C12orf56: variants seen among roughly 807,000 people sequenced by gnomAD.
C12orf56 encodes chromosome 12 open reading frame 56.
In C12orf56, 71 loss-of-function variants were observed where a neutral mutation model predicts 69.9. That is an observed-to-expected ratio of 1.02 (90% confidence interval 0.84 to 1.24). C12orf56 has a LOEUF of 1.24. Ranked by LOEUF, C12orf56 falls within the 50% of genes most tolerant of loss-of-function variation. The pLI is 0.00. For missense variants in C12orf56, 732 were observed against 738.5 expected (o/e 0.99, Z 0.10); for synonymous variants, 276 against 274.1 (o/e 1.01, Z -0.07).
intron 1 of C12orf56, among the ~76,000 whole-genome samples, chr12:64,360,903 C>A (rs544850679): frequency 1.3e-5 from 2 of 152,212 alleles, no homozygotes; most frequent in African/African-American, 4.8e-5. Flanking sequence ...TTTGATAAAT[C>A]AACTCTTTTA....
chr12:64,312,811 C>CT (rs2038637882), intron 4 of C12orf56, 59 bp from the exon 5 acceptor site: 1 of 1,227,304 alleles, frequency 8.1e-7, no homozygotes, highest in African/African-American at 1.5e-5. Flanking sequence ...TCAATTCCCC[C>CT]TACCTTTAGT....
chr12:64,274,944 G>A lies in C12orf56; in HGVS notation c.1541C>T (p.Ala514Val). 2 of 1,612,520 alleles carry A rather than the reference G, an allele frequency of 1.2e-6. No homozygotes were observed. The highest frequency in any genetic ancestry group is 1.7e-6 in the Non-Finnish European group (2 of 1,178,854). ...TAGAAAGGACATTATCCAGCTAATA[G>A]CAAACTTTGTGGATCCCAATCCGAG... is the stretch of plus-strand genomic sequence containing the variant. The part of the protein sequence containing the change: ...GNLGLGSTKF[A>V]ISWIMSFLQS... The change falls in exon 11 of 13, where the codon GCT (alanine) becomes GTT (valine). Residue 514 changes from alanine to valine, a missense_variant. By Grantham distance (64) the Ala-to-Val change is moderately conservative. Coordinates refer to ENST00000543942, the MANE Select transcript of C12orf56 (RefSeq NM_001170633.2).
chr12:64,268,691 A>T (rs1168279795), intron 12 of C12orf56, among the ~76,000 whole-genome samples: 1 of 152,162 alleles, frequency 6.6e-6, no homozygotes, highest in African/African-American at 2.4e-5. Flanking sequence ...TAAAATGGTA[A>T]ATTTCATACT....
At position 64,319,898 on chromosome 12, in the gene C12orf56, A is replaced by C. The variant is rs147676113; in HGVS notation, c.489-918T>G. Among the ~76,000 whole-genome samples the C allele has an allele frequency of 7.5e-3, 1,139 of 152,194 alleles. 22 individuals are homozygous for C. The highest frequency in any genetic ancestry group is 0.026 in the African/African-American group (1,094 of 41,518). On this transcript the variant is annotated intron_variant, in intron 3 of 12. Coordinates refer to ENST00000543942, the MANE Select transcript of C12orf56 (RefSeq NM_001170633.2). ...GGGAGCTCTGTTTTCACTCTATTAA[A>C]TCTTGCAACTGCACTGTCTTTTTGT...
chr12:64,308,889 GAAGAAAGA>G lies in C12orf56; in HGVS notation c.968+3782_968+3789del, dbSNP rs1173081507. Among the ~76,000 whole-genome samples the G allele has an allele frequency of 3.2e-3, 225 of 69,316 alleles. 2 individuals carry two copies. The highest frequency in any genetic ancestry group is 4.8e-3 in the African/African-American group (70 of 14,722). The allele number at this position is 69,316 out of a possible 152,430, so 45.5% of individuals were successfully genotyped here. A position where few individuals can be genotyped will look rare whatever the true frequency, so the allele number is the denominator to read the frequency against. Reference sequence around the variant, plus strand: ...AGAAAAGAAAGAAAGAAACAGAAAGGAAGAAAGAAAGAAAGAAAGAAAGAAAGAAAGAA... The same window carrying G: ...AGAAAAGAAAGAAAGAAACAGAAAGGAAGAAAGAAAGAAAGAAAGAAAGAA... On this transcript the variant is annotated intron_variant, in intron 5 of 12. Coordinates refer to ENST00000543942, the MANE Select transcript of C12orf56 (RefSeq NM_001170633.2).
chr12:64,311,396 G>C (rs913998478), intron 5 of C12orf56, among the ~76,000 whole-genome samples: 3 of 149,580 alleles, frequency 2.0e-5, no homozygotes, highest in African/African-American at 7.4e-5. Context: ...CTGGGCAACA[G>C]AGCAAGACTT....
chr12:64,339,214 G>A (rs544562967), intron 2 of C12orf56, among the ~76,000 whole-genome samples: 2 of 152,184 alleles, frequency 1.3e-5, no homozygotes, highest in South Asian at 4.1e-4. Flanking sequence ...CTTATCTCCT[G>A]TTAACCTGCC....
chr12:64,328,732 T>TAGATATAG (rs1555190213), intron 3 of C12orf56, among the ~76,000 whole-genome samples: 119 of 107,138 alleles, frequency 1.1e-3, no homozygotes, highest in African/African-American at 3.6e-3. Context: ...TATATATATA[T>TAGATATAG]ATATAGTATC....
chr12:64,311,803 C>T (rs930128797), intron 5 of C12orf56, among the ~76,000 whole-genome samples: 3 of 152,096 alleles, frequency 2.0e-5, no homozygotes, highest in South Asian at 2.1e-4. Flanking sequence ...AAAGGCTTCC[C>T]GGGAGGAATT....
intron 7 of C12orf56, among the ~76,000 whole-genome samples, chr12:64,285,206 A>C (rs2038183749): frequency 6.6e-6 from 1 of 151,896 alleles, no homozygotes; most frequent in Admixed American, 6.6e-5. Flanking sequence ...AAAGAAAAAA[A>C]TTGTTGAATG....
At position 64,303,707 on chromosome 12, in the gene C12orf56, C is replaced by T. The variant is rs1023352539; in HGVS notation, c.1041G>A (p.Arg347=). ...TAAGTTCCATAAGTAAAGAAAGTAT[C>T]CTCCTCAAAGAATTGTCTTTAAGAA... The part of the protein sequence containing the change: ...ELFLKDNSLR[R]ILSLLMELKV... Residue 347 remains arginine, a synonymous_variant, in exon 6 of 13, where the codon AGG becomes AGA. Coordinates refer to ENST00000543942, the MANE Select transcript of C12orf56 (RefSeq NM_001170633.2). 2 of 1,579,796 alleles carry T rather than the reference C, an allele frequency of 1.3e-6. No individual in the cohort carries two copies. The highest frequency in any genetic ancestry group is 2.7e-5 in the African/African-American group (2 of 74,230).
chr12:64,313,291 A>G (rs1273344306), intron 4 of C12orf56, among the ~76,000 whole-genome samples: 2 of 150,614 alleles, frequency 1.3e-5, no homozygotes, highest in African/African-American at 4.9e-5. Flanking sequence ...AGAAAGAAAG[A>G]AAGAAAGAAA....
intron 6 of C12orf56, among the ~76,000 whole-genome samples, chr12:64,303,290 A>C (rs977757774): frequency 1.8e-4 from 27 of 150,588 alleles, no homozygotes; most frequent in African/African-American, 6.6e-4. Flanking sequence ...TAAAAAATAA[A>C]CAAAAACTTC....
chr12:64,275,437 G>A, intron 9 of C12orf56, 65 bp from the exon 10 acceptor site: 1 of 766,334 alleles, frequency 1.3e-6, no homozygotes. Context: ...AATTTCCCAT[G>A]GTTCCCTTTA....
At chr12:64,274,244 G>A (rs1020319947) in intron 11 of C12orf56, among the ~76,000 whole-genome samples, 1 of 152,190 alleles carries the variant, frequency 6.6e-6, no homozygotes, top group African/African-American at 2.4e-5. Context: ...GCTGCAGGGA[G>A]GGGGGTGGTG....
At chr12:64,380,728 G>C (rs912453459) in intron 1 of C12orf56, among the ~76,000 whole-genome samples, 1 of 152,132 alleles carries the variant, frequency 6.6e-6, no homozygotes, top group Admixed American at 6.6e-5. Context: ...AACCCCTAAG[G>C]ATCTCGAGTG....
At chr12:64,298,329 TTGTC>T (rs2038397426) in intron 6 of C12orf56, among the ~76,000 whole-genome samples, 2 of 152,182 alleles carry the variant, frequency 1.3e-5, no homozygotes, top group South Asian at 2.1e-4. Context: ...GTTCTGTAGG[TTGTC>T]TGTTCACTCT....
At chr12:64,352,099 G>GTTTTTTTTTTTT (rs55762803) in intron 2 of C12orf56, among the ~76,000 whole-genome samples, 64 of 148,742 alleles carry the variant, frequency 4.3e-4, no homozygotes, top group African/African-American at 1.6e-3. Flanking sequence ...TTTTGTTTTT[G>GTTTTTTTTTTTT]TTTTTTTTTT....
intron 4 of C12orf56, among the ~76,000 whole-genome samples, chr12:64,313,946 G>A (rs1234628047): frequency 6.6e-6 from 1 of 150,416 alleles, no homozygotes; most frequent in African/African-American, 2.5e-5. Flanking sequence ...GGGAGGCTGA[G>A]GCAGGAGAAT....
Sources: allele counts gnomAD v4.1 joint callset (sites outside exome capture counted in the v4.1 genomes callset), GRCh38; gene constraint gnomAD v4.1.1; transcripts MANE v1.5; gene names NCBI Gene and HGNC (gene_info 2026-07-23, HGNC 2026-07-21).